The following NCOR2 variants were observed in gnomAD, a reference collection of about 807,000 sequenced individuals.
The protein encoded by NCOR2 is CTG repeat protein 26.
NCOR2 carries 81 observed loss-of-function variants against 262.9 expected under a neutral mutation model. The observed-to-expected ratio is 0.31, with a 90% CI of 0.26 to 0.37. The LOEUF (loss-of-function observed/expected upper bound fraction) is 0.37. NCOR2 is among the 10% of genes least tolerant of loss of function. The probability of loss-of-function intolerance (pLI) is 1.00; values close to 1 mark genes in which losing one functional copy is unlikely to be tolerated. For synonymous variants in NCOR2, 1,659 were observed against 1,559.3 expected (o/e 1.06, Z -1.51); for missense variants, 3,385 against 3,621.4 (o/e 0.93, Z 1.68).
intron 1 of NCOR2, among the ~76,000 whole-genome samples, chr12:124,508,529 C>T (rs553640020): frequency 6.6e-6 from 1 of 152,318 alleles, no homozygotes; most frequent in South Asian, 2.1e-4. Flanking sequence ...AGGCAGGCAC[C>T]ACGCCGAGGG....
At position 124,336,736 on chromosome 12, in the gene NCOR2, T is replaced by C. The variant is rs549596903; in HGVS notation, c.6115+17A>G. 1 of 1,611,488 alleles carries C rather than the reference T, an allele frequency of 6.2e-7. No individual in the cohort carries two copies. The highest frequency in any genetic ancestry group is 8.5e-7 in the Non-Finnish European group (1 of 1,179,260). On this transcript the variant is annotated intron_variant, in intron 38 of 46. Transcript: ENST00000405201. ...TAATCGCGTCTATGAAGGTGGCCGC[T>C]GTCAGGGTGGTCTTACCCAGAGAAC...
At chr12:124,355,066 G>A in intron 24 of NCOR2, 127 bp from the exon 27 acceptor site, 1 of 780,600 alleles carries the variant, frequency 1.3e-6, no homozygotes, top group Non-Finnish European at 2.0e-6. Flanking sequence ...CCAGCTGTGT[G>A]ACGGCAGACA....
At chr12:124,449,677 C>G in intron 7 of NCOR2, 138 bp downstream of exon 9, 1 of 1,030,650 alleles carries the variant, frequency 9.7e-7, no homozygotes, top group South Asian at 1.5e-5. Context: ...TCTCCTGTCC[C>G]CTCCGGGAGC....
chr12:124,498,589 A>G (rs895347986), upstream of NCOR2, among the ~76,000 whole-genome samples: 3 of 152,178 alleles, frequency 2.0e-5, no homozygotes, highest in African/African-American at 7.2e-5. Context: ...AAAAAAACAA[A>G]TGTTAGGGAA....
chr12:124,351,236 G>A (rs1276798752), intron 27 of NCOR2, among the ~76,000 whole-genome samples: 1 of 152,216 alleles, frequency 6.6e-6, no homozygotes, highest in Non-Finnish European at 1.5e-5. Flanking sequence ...TTCTGCTCCT[G>A]TGCTGTACCC....
intron 22 of NCOR2, among the ~76,000 whole-genome samples, chr12:124,360,353 C>A (rs1328167988): frequency 6.6e-6 from 1 of 152,250 alleles, no homozygotes; most frequent in Admixed American, 6.5e-5. Flanking sequence ...ACTGGCTTTG[C>A]CTCCAAAACA....
intron 13 of NCOR2, among the ~76,000 whole-genome samples, chr12:124,413,452 C>T (rs1395258974): frequency 6.6e-6 from 1 of 152,210 alleles, no homozygotes; most frequent in Non-Finnish European, 1.5e-5. Flanking sequence ...ATATACTGTG[C>T]ATCCGATGGG....
intron 15 of NCOR2, 93 bp downstream of exon 17, chr12:124,400,408 C>G: frequency 6.6e-7 from 1 of 1,519,520 alleles, no homozygotes; most frequent in Non-Finnish European, 8.9e-7. Context: ...TTGGCTGTTG[C>G]CAATTAACTC....
At chr12:124,417,068 CGG>C (rs2042920792) in intron 13 of NCOR2, among the ~76,000 whole-genome samples, 2 of 136,914 alleles carry the variant, frequency 1.5e-5, no homozygotes, top group African/African-American at 6.1e-5. Context: ...ACTCACTCCA[CGG>C]AGAGCAGGCC....
chr12:124,400,756 T>A, intron 14 of NCOR2, 83 bp from the exon 17 acceptor site: 1 of 1,532,778 alleles, frequency 6.5e-7, no homozygotes, highest in East Asian at 2.3e-5. Context: ...TTTCTTTAGC[T>A]GGATTTGCAC....
chr12:124,438,782 G>GAGAC (rs751503731), intron 7 of NCOR2, among the ~76,000 whole-genome samples: 2 of 84,192 alleles, frequency 2.4e-5, no homozygotes, highest in African/African-American at 4.3e-5. Flanking sequence ...GAGAGACAGA[G>GAGAC]AGAGAGAGAG....
Position 124,358,397 on chromosome 12 carries a change from T to C in NCOR2, c.3101-1615A>G, listed in dbSNP as rs1055728558. On this transcript the variant is annotated intron_variant, in intron 22 of 46. Coordinates refer to ENST00000405201, the Ensembl canonical transcript of NCOR2. ...ATGTGTGTGCACGTGCACGTGCATGTGTGTGCGAGTGCATGGATGTGTGTG... is the reference window on the plus strand; with the variant it reads ...ATGTGTGTGCACGTGCACGTGCATGCGTGTGCGAGTGCATGGATGTGTGTG... Among the ~76,000 whole-genome samples the C allele has an allele frequency of 3.9e-5, 6 of 152,116 alleles. No homozygotes were observed. The East Asian group carries it at 1.2e-3, about 29-fold the overall frequency.
chr12:124,516,216 GCAT>G (rs1489557810), intron 1 of NCOR2, among the ~76,000 whole-genome samples: 1 of 152,222 alleles, frequency 6.6e-6, no homozygotes, highest in Non-Finnish European at 1.5e-5. Flanking sequence ...CACTGGCCCA[GCAT>G]CCGGTGTCAC....
exon 40 of NCOR2, chr12:124,335,255 G>C (rs370426806): frequency 6.2e-7 from 1 of 1,605,866 alleles, no homozygotes; most frequent in Non-Finnish European, 8.5e-7. Context: ...GGAGGTGGGC[G>C]GCCTCCCCGC....
intron 16 of NCOR2, among the ~76,000 whole-genome samples, chr12:124,391,588 G>A (rs913141931): frequency 3.3e-5 from 5 of 152,198 alleles, no homozygotes; most frequent in East Asian, 1.9e-4. Context: ...AGGACTTCCC[G>A]AACTCCTGCC....
intron 44 of NCOR2, 134 bp from the exon 47 acceptor site, chr12:124,327,767 G>A: frequency 1.6e-6 from 1 of 644,180 alleles, no homozygotes; most frequent in Non-Finnish European, 2.7e-6. Flanking sequence ...AATACACAGT[G>A]AGCACATTTC....
chr12:124,353,300 G>A (rs1442206738), intron 27 of NCOR2, among the ~76,000 whole-genome samples: 9 of 152,218 alleles, frequency 5.9e-5, no homozygotes, highest in Non-Finnish European at 1.0e-4. Flanking sequence ...GCTGGCACCC[G>A]AGGGCCCTCA....
chr12:124,334,414 C>A lies in NCOR2; in HGVS notation c.6605+10G>T. 6.6e-7 allele frequency: 1 copy of A among 1,522,130 alleles called. No homozygotes were observed. Among genetic ancestry groups the A allele is most frequent in the East Asian group, 2.7e-5 (1 of 37,192 alleles). 94.3% of individuals were successfully genotyped at this position (1,522,130 alleles called of 1,614,324 possible). On this transcript the variant is annotated intron_variant, in intron 41 of 46. Transcript: ENST00000405201. ...CTGACCAGCAAGAGGCACCCCCATCCCTCGCTCACCTCTTGCCCCCTTCGC... is the reference window on the plus strand; with the variant it reads ...CTGACCAGCAAGAGGCACCCCCATCACTCGCTCACCTCTTGCCCCCTTCGC...
chr12:124,491,909 G>A (rs755570719), intron 1 of NCOR2, among the ~76,000 whole-genome samples: 2 of 152,184 alleles, frequency 1.3e-5, no homozygotes, highest in Non-Finnish European at 2.9e-5. Context: ...AGAGGGATGC[G>A]GCAGGTAGGA....
Sources: gnomAD v4.1 joint callset for allele counts (sites outside exome capture counted in the v4.1 genomes callset) on GRCh38, gnomAD v4.1.1 for gene constraint, MANE v1.5 for transcripts, NCBI Gene and HGNC (gene_info 2026-07-23, HGNC 2026-07-21) for gene names.